MISP: variants seen among roughly 807,000 people sequenced by gnomAD.
The protein encoded by MISP is mitotic spindle positioning, also known as mitotic interactor and substrate of PLK1.
A neutral mutation model predicts 49.3 loss-of-function variants in MISP; 51 were observed. That is an observed-to-expected ratio of 1.03 (90% CI 0.83 to 1.31). MISP has a LOEUF of 1.31. Among genes scored for constraint, MISP ranks in the 50% most tolerant of loss-of-function variants. MISP has a pLI of 0.00. For synonymous variants in MISP, 444 were observed against 392.6 expected (o/e 1.13, Z -1.55); for missense variants, 1,084 against 935.1 (o/e 1.16, Z -2.08).
chr19:755,672 C>A (rs866952695), intron 1 of MISP, among the ~76,000 whole-genome samples: 1 of 152,130 alleles, frequency 6.6e-6, no homozygotes, highest in African/African-American at 2.4e-5. Flanking sequence ...TGGCTCACGC[C>A]TGTAATTCCA....
Position 757,882 on chromosome 19 carries a change from GC to G in MISP, c.937del (p.Leu313PhefsTer19), listed in dbSNP as rs762527133. The G allele has an allele frequency of 6.2e-7, 1 of 1,607,136 alleles. No individual in the cohort carries two copies. Among genetic ancestry groups the G allele is most frequent in the South Asian group, 1.1e-5 (1 of 91,042 alleles). The part of the protein sequence containing the change: ...READLREQRG[L>X]RQATDHQELV... ...AGGCAGACCTGCGAGAGCAGAGGGG[GC>G]TTCGGCAGGCAACCGACCACCAGGA... On this transcript the variant is annotated frameshift_variant, in exon 2 of 5. Coordinates refer to ENST00000215582, the MANE Select transcript of MISP (RefSeq NM_173481.4). LOFTEE classifies it high-confidence loss of function.
At chr19:758,762 A>C in intron 2 of MISP, 36 bp downstream of exon 2, 1 of 1,565,950 alleles carries the variant, frequency 6.4e-7, no homozygotes, top group Non-Finnish European at 8.7e-7. Flanking sequence ...TGCTTGGCTC[A>C]GGGTCTCAGA....
At chr19:758,824 G>A in intron 2 of MISP, 98 bp downstream of exon 2, 1 of 1,009,904 alleles carries the variant, frequency 9.9e-7, no homozygotes, top group Non-Finnish European at 1.4e-6. Flanking sequence ...TCAAAGGGCT[G>A]GGGTTGGGGA....
Position 760,031 on chromosome 19 carries a change from G to A in MISP, c.1903G>A (p.Glu635Lys), listed in dbSNP as rs1209684604. 17 of 1,613,798 alleles carry A rather than the reference G, an allele frequency of 1.1e-5. No individual in the cohort carries two copies. Among genetic ancestry groups the A allele is most frequent in the Non-Finnish European group, 1.4e-5 (17 of 1,179,826 alleles). The change falls in exon 3 of 5, where the codon GAG (glutamate) becomes AAG (lysine). Residue 635 changes from glutamate (E) to lysine (K), a missense_variant. By Grantham distance (56) the Glu-to-Lys change is moderately conservative. Transcript: ENST00000215582. ...TGCTCCTCCCGGGCAGAGAAAGAAG[G>A]AGCAATGGGTGAGTCTGGAACCCGT... ...DSAPPGQRKK[E>K]QWYAGINPSD... is the part of the protein sequence containing the mutation.
In MISP at chr19:757,682, C is replaced by T; in HGVS notation, c.736C>T (p.Pro246Ser). Reference sequence around the variant, plus strand: ...CCACCTGGCCAACGGGCACGTGGTTCCCATCAAGCCCCAGGTGAAGGGGGT... The same window carrying T: ...CCACCTGGCCAACGGGCACGTGGTTTCCATCAAGCCCCAGGTGAAGGGGGT... ...KPHLANGHVVPIKPQVKGVVR... is the reference protein window; with the variant it reads ...KPHLANGHVVSIKPQVKGVVR... Residue 246 changes from proline (P) to serine (S), a missense_variant, in exon 2 of 5, where the codon CCC becomes TCC. By Grantham distance (74) the Pro-to-Ser change is moderately conservative. Transcript: ENST00000215582. The T allele has an allele frequency of 6.2e-7, 1 of 1,613,756 alleles. No homozygotes were observed. Among genetic ancestry groups the T allele is most frequent in the East Asian group, 2.2e-5 (1 of 44,868 alleles).
rs1461437863 is a variant in MISP, at chr19:757,601, AC to A, written c.659del (p.Pro220LeufsTer32). On this transcript the variant is annotated frameshift_variant, in exon 2 of 5. Coordinates refer to ENST00000215582, the MANE Select transcript of MISP (RefSeq NM_173481.4). LOFTEE classifies it high-confidence loss of function. The part of the protein sequence containing the change: ...GAPHSSPARG[T>X]PAGTTPGASQ... ...CCCTCATAGCTCCCCGGCCAGGGGG[AC>A]CCCTGCAGGCACAACCCCAGGGGCC... The A allele has an allele frequency of 6.2e-7, 1 of 1,611,930 alleles. No individual in the cohort carries two copies. The highest frequency in any genetic ancestry group is 8.5e-7 in the Non-Finnish European group (1 of 1,179,516).
intron 4 of MISP, among the ~76,000 whole-genome samples, chr19:763,137 C>T (rs903310081): frequency 4.6e-5 from 7 of 152,094 alleles, no homozygotes; most frequent in South Asian, 2.1e-4. Context: ...ATTAGCCAGG[C>T]GCCGTAGCGG....
Position 758,307 on chromosome 19 carries a change from A to C in MISP, c.1361A>C (p.Glu454Ala). The C allele has an allele frequency of 1.9e-6, 3 of 1,614,084 alleles. 1 individual carries two copies. In the South Asian group the frequency reaches 3.3e-5, roughly 18 times the overall value. ...FGKPSSLSTA[E>A]AKAATSPKAT... ...AAGCCCAGCAGTCTCTCCACAGCGGAGGCCAAGGCTGCGACTTCACCAAAG... is the reference window on the plus strand; with the variant it reads ...AAGCCCAGCAGTCTCTCCACAGCGGCGGCCAAGGCTGCGACTTCACCAAAG... Residue 454 changes from glutamate (E) to alanine (A), a missense_variant, in exon 2 of 5, where the codon GAG becomes GCG. By Grantham distance (107) the Glu-to-Ala change is moderately radical. Coordinates refer to ENST00000215582, the MANE Select transcript of MISP (RefSeq NM_173481.4).
upstream of MISP, among the ~76,000 whole-genome samples, chr19:750,015 C>A (rs1193488864): frequency 6.6e-6 from 1 of 152,026 alleles, no homozygotes; most frequent in Non-Finnish European, 1.5e-5. Flanking sequence ...TCCCTGCCCT[C>A]ATAGACGGCG....
chr19:760,126 C>A, intron 3 of MISP, 87 bp downstream of exon 3: 2 of 1,529,298 alleles, frequency 1.3e-6, no homozygotes, highest in Admixed American at 1.9e-5. Flanking sequence ...AGGACTCAAG[C>A]CTGACCTGGG....
In MISP at chr19:763,406, C is replaced by A; in HGVS notation, c.1951-95C>A. On this transcript the variant is annotated intron_variant, in intron 4 of 4. Transcript: ENST00000215582. The stretch of plus-strand genomic sequence containing the variant: ...AGAGGAGGGGATCCTACTTTACCCC[C>A]GTTCTAGGCCTCTCTAATGAATTGG... 2.4e-6 allele frequency: 2 copies of A among 821,362 alleles called. 1 individual carries two copies. 50.9% of individuals were successfully genotyped at this position (821,362 alleles called of 1,614,324 possible).
intron 1 of MISP, among the ~76,000 whole-genome samples, chr19:754,028 A>T (rs1249550730): frequency 6.6e-6 from 1 of 152,118 alleles, no homozygotes; most frequent in African/African-American, 2.4e-5. Flanking sequence ...ACTATGAAAG[A>T]TGATGTCTGC....
At chr19:749,579 C>T (rs2033427933), upstream of MISP, among the ~76,000 whole-genome samples, 1 of 152,184 alleles carries the variant, frequency 6.6e-6, no homozygotes, top group Non-Finnish European at 1.5e-5. Context: ...GCCTGTAATC[C>T]CAGCACTTTG....
At position 757,996 on chromosome 19, in the gene MISP, CG is replaced by C; in HGVS notation, c.1051del (p.Val351CysfsTer5). 1 of 1,575,958 alleles carries C rather than the reference CG, an allele frequency of 6.3e-7. No homozygotes were observed. Among genetic ancestry groups the C allele is most frequent in the Non-Finnish European group, 8.6e-7 (1 of 1,165,602 alleles). On this transcript the variant is annotated frameshift_variant, in exon 2 of 5. Transcript: ENST00000215582. LOFTEE classifies it high-confidence loss of function. Reference sequence around the variant, plus strand: ...GGGAGAGAGGGCGCCCGTCCCTCTACGTGCAGCGGGACATAGTACAGGAGAC... The same window carrying C: ...GGGAGAGAGGGCGCCCGTCCCTCTACTGCAGCGGGACATAGTACAGGAGAC... ...RRERGRPSLYVQRDIVQETQR... is the reference protein window; with the variant it reads ...RRERGRPSLYXQRDIVQETQR...
At chr19:760,364 CTTTTTTTTT>C (rs34363064) in intron 3 of MISP, 2 of 129,772 alleles carry the variant, frequency 1.5e-5, no homozygotes, top group South Asian at 1.9e-4. Flanking sequence ...GCATTAGTTT[CTTTTTTTTT>C]TTTTTTTTTT....
Position 758,682 on chromosome 19 carries a change from A to T in MISP, c.1736A>T (p.Asp579Val). The T allele has an allele frequency of 6.2e-7, 1 of 1,614,198 alleles. No individual in the cohort carries two copies. The highest frequency in any genetic ancestry group is 8.5e-7 in the Non-Finnish European group (1 of 1,180,024). Reference sequence around the variant, plus strand: ...CCAGAGGTCTTCTCCCCAACGCCAGATGAGAACTCTGACCAGAACTCCAGG... The same window carrying T: ...CCAGAGGTCTTCTCCCCAACGCCAGTTGAGAACTCTGACCAGAACTCCAGG... Reference protein sequence around the residue: ...LFPEVFSPTPDENSDQNSRSS... With the variant: ...LFPEVFSPTPVENSDQNSRSS... Residue 579 changes from aspartate (D) to valine (V), a missense_variant, in exon 2 of 5, where the codon GAT becomes GTT. Asp to Val is a radical substitution (Grantham distance 152). Transcript: ENST00000215582.
At position 757,723 on chromosome 19, in the gene MISP, C is replaced by T. The variant is rs2033584607; in HGVS notation, c.777C>T (p.Asn259=). The T allele has an allele frequency of 6.2e-7, 1 of 1,613,924 alleles. No individual in the cohort carries two copies. Among genetic ancestry groups the T allele is most frequent in the East Asian group, 2.2e-5 (1 of 44,874 alleles). ...PQVKGVVREE[N]KVRAVPTWAS... ...TGAAGGGGGTGGTCAGGGAAGAGAA[C>T]AAGGTGCGTGCTGTGCCCACCTGGG... Residue 259 remains asparagine (N), a synonymous_variant, in exon 2 of 5, where the codon AAC becomes AAT. Transcript: ENST00000215582.
At chr19:754,177 T>C (rs908580489) in intron 1 of MISP, among the ~76,000 whole-genome samples, 3 of 150,686 alleles carry the variant, frequency 2.0e-5, no homozygotes, top group Admixed American at 1.3e-4. Context: ...ATTAGCCGGG[T>C]GTCCTGGCTG....
chr19:759,791 T>C (rs1298238483), intron 2 of MISP, 118 bp from the exon 3 acceptor site: 2 of 1,173,252 alleles, frequency 1.7e-6, no homozygotes, highest in Non-Finnish European at 2.4e-6. Flanking sequence ...GTTTCCCGGA[T>C]AGTCATCTGC....
Sources: allele counts gnomAD v4.1 joint callset (sites outside exome capture counted in the v4.1 genomes callset), GRCh38; gene constraint gnomAD v4.1.1; transcripts MANE v1.5; gene names NCBI Gene and HGNC (gene_info 2026-07-23, HGNC 2026-07-21).